Variants in ESR1 observed in about 807,000 individuals in gnomAD.
ESR1 encodes the protein estrogen receptor 1.
In ESR1, 12 loss-of-function variants were observed where a neutral mutation model predicts 52.7. The ratio of observed to expected loss-of-function variants is 0.23; its 90% confidence interval spans 0.15 to 0.37. The LOEUF (loss-of-function observed/expected upper bound fraction) is 0.37. Among genes scored for constraint, ESR1 ranks in the 10% least tolerant of loss-of-function variants. The probability of loss-of-function intolerance (pLI) is 1.00; values close to 1 mark genes in which losing one functional copy is unlikely to be tolerated. For missense variants in ESR1, 584 were observed against 779.7 expected (o/e 0.75, Z 2.99); for synonymous variants, 305 against 316.8 (o/e 0.96, Z 0.39).
chr6:151,976,480 A>G (rs1388926516), intron 4 of ESR1, among the ~76,000 whole-genome samples: 1 of 151,902 alleles, frequency 6.6e-6, no homozygotes, highest in Non-Finnish European at 1.5e-5. Context: ...TTGCTTTCAC[A>G]CCATGCCTAT....
chr6:152,073,576 T>G (rs1380464152), intron 6 of ESR1, among the ~76,000 whole-genome samples: 1 of 152,248 alleles, frequency 6.6e-6, no homozygotes, highest in African/African-American at 2.4e-5. Context: ...TGTTTTGAAA[T>G]GCAGAATTGT....
chr6:151,678,793 T>TC (rs1778348992), intron 1 of ESR1, among the ~76,000 whole-genome samples: 1 of 151,862 alleles, frequency 6.6e-6, no homozygotes, highest in Admixed American at 6.6e-5. Flanking sequence ...TTCAAGCGAT[T>TC]CCCCTGCCTC....
chr6:151,734,749 A>G (rs570193294), intron 2 of ESR1, among the ~76,000 whole-genome samples: 145 of 151,918 alleles, frequency 9.5e-4, no homozygotes, highest in Non-Finnish European at 1.7e-3. Flanking sequence ...CAGCCTCCCG[A>G]GTAGCTGGGA....
At chr6:152,001,869 G>A (rs1047409293) in intron 4 of ESR1, among the ~76,000 whole-genome samples, 1 of 151,940 alleles carries the variant, frequency 6.6e-6, no homozygotes, top group African/African-American at 2.4e-5. Context: ...TGGAGGGAAG[G>A]GAGAAGTCTT....
chr6:151,670,163 A>T (rs1217921538), intron 1 of ESR1, among the ~76,000 whole-genome samples: 1 of 152,156 alleles, frequency 6.6e-6, no homozygotes, highest in Non-Finnish European at 1.5e-5. Flanking sequence ...AGCTGCCAAG[A>T]TGGTCGTGGC....
intron 2 of ESR1, among the ~76,000 whole-genome samples, chr6:151,785,206 G>C (rs983508238): frequency 4.8e-4 from 73 of 152,328 alleles, no homozygotes; most frequent in African/African-American, 1.7e-3. Flanking sequence ...AGTGTAATGA[G>C]CAGGAAAGCA....
chr6:152,077,100 G>GA (rs982971461), intron 6 of ESR1, among the ~76,000 whole-genome samples: 1 of 152,040 alleles, frequency 6.6e-6, no homozygotes, highest in African/African-American at 2.4e-5. Context: ...AGCCTAGGAG[G>GA]AAAAAAACAG....
intron 2 of ESR1, among the ~76,000 whole-genome samples, chr6:151,735,011 A>G (rs2982558): frequency 0.46 from 69,825 of 152,056 alleles, 17,457 homozygotes; most frequent in Non-Finnish European, 0.55. Context: ...TTGTTAAGTC[A>G]TTTTGATTTT....
rs111592154 is a variant in ESR1, at chr6:151,922,627, C to G, written c.761-21546C>G. On this transcript the variant is annotated intron_variant, in intron 3 of 7. Coordinates refer to ENST00000206249, the MANE Select transcript of ESR1 (RefSeq NM_000125.4). Reference sequence around the variant, plus strand: ...TTTTTTAAAAGCCTTTTCTTACTTTCTGTCACTACAAGATAGTTCAGACTT... The same window carrying G: ...TTTTTTAAAAGCCTTTTCTTACTTTGTGTCACTACAAGATAGTTCAGACTT... Among the ~76,000 whole-genome samples the G allele has an allele frequency of 5.8e-3, 879 of 152,216 alleles. 4 individuals are homozygous for G. Among genetic ancestry groups the G allele is most frequent in the Non-Finnish European group, 0.011 (731 of 67,966 alleles).
At chr6:152,116,726 T>C (rs950550180) in intron 6 of ESR1, among the ~76,000 whole-genome samples, 2 of 151,526 alleles carry the variant, frequency 1.3e-5, no homozygotes, top group African/African-American at 4.8e-5. Context: ...TACATACTTA[T>C]ATATTTGTAT....
chr6:151,885,033 G>A (rs901029786), intron 3 of ESR1, among the ~76,000 whole-genome samples: 1 of 151,846 alleles, frequency 6.6e-6, no homozygotes, highest in Admixed American at 6.6e-5. Flanking sequence ...GGGGGTGGGG[G>A]GTCTCTGTGT....
chr6:151,686,626 T>C (rs1036894230), upstream of ESR1, among the ~76,000 whole-genome samples: 42 of 152,092 alleles, frequency 2.8e-4, no homozygotes, highest in Admixed American at 2.7e-3. Flanking sequence ...AGGCGGAGCT[T>C]GCAGTGAGCC....
At chr6:152,104,907 G>A (rs929141879), downstream of ESR1, among the ~76,000 whole-genome samples, 1 of 152,086 alleles carries the variant, frequency 6.6e-6, no homozygotes. Context: ...CTCTGGAGAG[G>A]GGCTGATGGT....
intron 3 of ESR1, among the ~76,000 whole-genome samples, chr6:151,918,192 T>A (rs2030771515): frequency 6.6e-6 from 1 of 152,200 alleles, no homozygotes; most frequent in African/African-American, 2.4e-5. Flanking sequence ...CTCCCTTCCC[T>A]CATTGCTGAG....
intron 1 of ESR1, among the ~76,000 whole-genome samples, chr6:151,669,856 A>G (rs541558839): frequency 3.2e-4 from 48 of 152,170 alleles, no homozygotes; most frequent in Non-Finnish European, 5.3e-4. Context: ...ATAATGGATG[A>G]GAGATTGTAA....
intron 3 of ESR1, among the ~76,000 whole-genome samples, chr6:151,882,110 G>C (rs980428391): frequency 3.3e-5 from 5 of 151,922 alleles, no homozygotes; most frequent in African/African-American, 9.7e-5. Flanking sequence ...GCAAATAGTG[G>C]GCAGCTAACC....
rs186658361 is a variant in ESR1 at position 151,941,545 on chromosome 6, T to A, written c.761-2628T>A. 4.1e-3 allele frequency among the ~76,000 whole-genome samples: 563 copies of A among 138,458 alleles called. 6 individuals carry two copies. The highest frequency in any genetic ancestry group is 0.015 in the African/African-American group (518 of 35,348). 90.8% of individuals were successfully genotyped at this position (138,458 alleles called of 152,430 possible). A position where few individuals can be genotyped will look rare whatever the true frequency, so the allele number is the denominator to read the frequency against. On this transcript the variant is annotated intron_variant, in intron 3 of 7. Transcript: ENST00000206249. ...CCACCGCAAGGCTCTTGCTCTTACA[T>A]TTTTTTTTTTTTTCTAATGTTTCAA...
chr6:151,765,826 A>G (rs892753665), intron 2 of ESR1, among the ~76,000 whole-genome samples: 10 of 152,198 alleles, frequency 6.6e-5, no homozygotes, highest in Admixed American at 6.5e-4. Flanking sequence ...CTAGTCCAGG[A>G]TATTACTCAT....
intron 5 of ESR1, among the ~76,000 whole-genome samples, chr6:152,042,175 T>C (rs2045861217): frequency 6.6e-6 from 1 of 152,144 alleles, no homozygotes; most frequent in Non-Finnish European, 1.5e-5. Context: ...CATTTGGCCT[T>C]TCCCACCATA....
Sources: allele counts gnomAD v4.1 joint callset (sites outside exome capture counted in the v4.1 genomes callset), GRCh38; gene constraint gnomAD v4.1.1; transcripts MANE v1.5; gene names NCBI Gene and HGNC (gene_info 2026-07-23, HGNC 2026-07-21).